KIAA2012: variants seen among roughly 807,000 people sequenced by gnomAD.
The protein encoded by KIAA2012 is KIAA2012, also known as uncharacterized protein KIAA2012.
A neutral mutation model predicts 150.6 loss-of-function variants in KIAA2012; 125 were observed. That is an observed-to-expected ratio of 0.83 (90% confidence interval 0.72 to 0.96). KIAA2012 has a LOEUF of 0.96. Ranked by LOEUF, KIAA2012 falls within the 40% of genes least tolerant of loss-of-function variation. The pLI is 0.00. For missense variants in KIAA2012, 1,219 were observed against 1,354.9 expected, an observed-to-expected ratio of 0.90 and a Z score of 1.57; for synonymous variants, 462 against 504.7, an observed-to-expected ratio of 0.92 and a Z score of 1.13.
At chr2:202,077,184 C>T (rs549474964) in intron 2 of KIAA2012, 5 of 381,730 alleles carry the variant, frequency 1.3e-5, no homozygotes, top group Admixed American at 6.3e-5. Context: ...TGTTGCCCCC[C>T]CAGCTGTTTG....
chr2:202,193,333 T>C lies in KIAA2012; in HGVS notation c.2844T>C (p.Ala948=). The change falls in exon 20 of 24, where the codon GCT becomes GCC. Residue 948 remains alanine, a synonymous_variant. Transcript: ENST00000498697. Reference sequence around the variant, plus strand: ...TCACTAAGAGGGAGCAGGAGAAGGCTTCCTGGGACAGGCTTCGAGCAGAAA... The same window carrying C: ...TCACTAAGAGGGAGCAGGAGAAGGCCTCCTGGGACAGGCTTCGAGCAGAAA... The part of the protein sequence containing the change: ...ALLTKREQEK[A]SWDRLRAERA... 6.5e-7 allele frequency: 1 copy of C among 1,549,972 alleles called. No homozygotes were observed. The highest frequency in any genetic ancestry group is 8.7e-7 in the Non-Finnish European group (1 of 1,146,812).
rs543372504 is a variant in KIAA2012 at position 202,112,908 on chromosome 2, G to A, written c.1652-428G>A. 3.3e-5 allele frequency among the ~76,000 whole-genome samples: 5 copies of A among 152,296 alleles called. No homozygotes were observed. In the East Asian group the frequency reaches 5.8e-4, roughly 18 times the overall value. ...AGTATTTCATCTAGAGGTTCTGGCCGTGCATGCTGAGTACTGCACAGGACA... is the reference window on the plus strand; with the variant it reads ...AGTATTTCATCTAGAGGTTCTGGCCATGCATGCTGAGTACTGCACAGGACA... On this transcript the variant is annotated intron_variant, in intron 10 of 23. Transcript: ENST00000498697.
chr2:202,097,027 C>G (rs901464990), intron 4 of KIAA2012, among the ~76,000 whole-genome samples: 2 of 152,184 alleles, frequency 1.3e-5, no homozygotes, highest in African/African-American at 2.4e-5. Flanking sequence ...TCCATGACAA[C>G]AGAGCAGGCT....
chr2:202,179,524 T>G (rs1477956421), intron 15 of KIAA2012: 2 of 698,324 alleles, frequency 2.9e-6, no homozygotes, highest in African/African-American at 3.5e-5. Context: ...TGGTGTACAG[T>G]GGCGTGGGCC....
intron 15 of KIAA2012, among the ~76,000 whole-genome samples, chr2:202,168,417 CAAA>C (rs59232782): frequency 1.3e-4 from 12 of 92,156 alleles, no homozygotes; most frequent in Non-Finnish European, 2.1e-4. Flanking sequence ...GACTCTGTCT[CAAA>C]AAAAAAAAAA....
rs189796424 is a variant in KIAA2012 at position 202,190,330 on chromosome 2, C to T, written c.2648C>T (p.Ser883Phe). 823 of 1,550,574 alleles carry T rather than the reference C, an allele frequency of 5.3e-4. 2 individuals are homozygous for T. Among genetic ancestry groups the T allele is most frequent in the Non-Finnish European group, 4.8e-4 (551 of 1,147,008 alleles). The change falls in exon 19 of 24, where the codon TCC (serine) becomes TTC (phenylalanine). Residue 883 changes from serine to phenylalanine, a missense_variant. Physicochemically the swap from Ser to Phe is radical, Grantham distance 155. Coordinates refer to ENST00000498697, the MANE Select transcript of KIAA2012 (RefSeq NM_001277372.4). ...EETEDTSNRG[S>F]FASDSFVEDP... The stretch of plus-strand genomic sequence containing the variant: ...ACAGAAGACACCTCAAATAGAGGTT[C>T]CTTTGCCTCAGACTCCTTTGTAGAG...
intron 2 of KIAA2012, among the ~76,000 whole-genome samples, chr2:202,079,882 C>T (rs915755132): frequency 6.6e-6 from 1 of 152,160 alleles, no homozygotes; most frequent in African/African-American, 2.4e-5. Context: ...AACAATGTGA[C>T]ATTGATTAAA....
chr2:202,127,775 A>G (rs1216578940), intron 12 of KIAA2012, among the ~76,000 whole-genome samples: 1 of 152,172 alleles, frequency 6.6e-6, no homozygotes, highest in East Asian at 1.9e-4. Flanking sequence ...CCTGGAGCAC[A>G]GTTCCTCATC....
intron 13 of KIAA2012, among the ~76,000 whole-genome samples, chr2:202,149,525 C>T (rs953242286): frequency 2.6e-5 from 4 of 152,324 alleles, no homozygotes; most frequent in Middle Eastern, 3.4e-3. Context: ...GCCTGTTCTC[C>T]GGCAGAATGA....
intron 2 of KIAA2012, 85 bp from the exon 3 acceptor site, chr2:202,090,685 T>C: frequency 7.2e-7 from 1 of 1,381,168 alleles, no homozygotes; most frequent in Non-Finnish European, 9.5e-7. Context: ...CCTGGGTTAC[T>C]GATGAAGATT....
chr2:202,105,857 A>C lies in KIAA2012; in HGVS notation c.1421A>C (p.Glu474Ala). ...LKHASLETPW[E>A]LTVHLPVDAS... is the part of the protein sequence containing the mutation. ...CATGCGTCCTTAGAAACACCATGGG[A>C]GTTAACAGTGCATCTCCCAGTGGAC... The change falls in exon 9 of 24, where the codon GAG becomes GCG. Residue 474 changes from glutamate (E) to alanine (A), a missense_variant. Coordinates refer to ENST00000498697, the MANE Select transcript of KIAA2012 (RefSeq NM_001277372.4). 3 of 1,550,824 alleles carry C rather than the reference A, an allele frequency of 1.9e-6. No homozygotes were observed. Among genetic ancestry groups the C allele is most frequent in the Non-Finnish European group, 2.6e-6 (3 of 1,147,032 alleles).
chr2:202,145,541 A>G (rs1407451069), intron 13 of KIAA2012, among the ~76,000 whole-genome samples: 3 of 152,264 alleles, frequency 2.0e-5, no homozygotes, highest in Non-Finnish European at 4.4e-5. Flanking sequence ...GTGACACATA[A>G]TATCTGCGTA....
intron 4 of KIAA2012, among the ~76,000 whole-genome samples, chr2:202,096,048 C>A (rs149744218): frequency 6.6e-6 from 1 of 152,176 alleles, no homozygotes; most frequent in South Asian, 2.1e-4. Context: ...CATGCCACTG[C>A]ACTCCAGCCT....
rs1690123613 is a variant in KIAA2012, at chr2:202,104,209, C to T, written c.1324+1095C>T. 6.6e-6 allele frequency among the ~76,000 whole-genome samples: 1 copy of T among 152,142 alleles called. No individual in the cohort carries two copies. Among genetic ancestry groups the T allele is most frequent in the South Asian group, 2.1e-4 (1 of 4,834 alleles). On this transcript the variant is annotated intron_variant, in intron 8 of 23. Transcript: ENST00000498697. This position sits in a 1 kb window ranked among gnomAD's most constrained non-coding sequence, Gnocchi z 4.3. ...TATAGATTTGTCAAAACTCATTGAA[C>T]TGTGCACTTAAGATCTGTGCGATTC...
intron 21 of KIAA2012, 43 bp downstream of exon 21, chr2:202,194,405 G>A (rs1692375796): frequency 1.3e-6 from 2 of 1,544,004 alleles, no homozygotes; most frequent in Non-Finnish European, 8.7e-7. Context: ...TTCTACTTGG[G>A]GCAGAAACAC....
intron 15 of KIAA2012, chr2:202,179,860 A>AC (rs1470090793): frequency 1.6e-6 from 1 of 636,000 alleles, no homozygotes; most frequent in Non-Finnish European, 3.0e-6. Context: ...TGCCATTCAT[A>AC]CAGCCATGTT....
At chr2:202,134,635 A>G (rs898757256) in intron 12 of KIAA2012, among the ~76,000 whole-genome samples, 29 of 151,984 alleles carry the variant, frequency 1.9e-4, no homozygotes, top group African/African-American at 6.5e-4. Flanking sequence ...GCTCACTGCA[A>G]CCTCCGCCTC....
intron 12 of KIAA2012, among the ~76,000 whole-genome samples, chr2:202,132,657 G>A (rs2105940753): frequency 7.4e-6 from 1 of 134,768 alleles, no homozygotes; most frequent in South Asian, 2.4e-4. Context: ...CTGGGCGGCA[G>A]AGCAAGACTC....
At chr2:202,165,049 A>T (rs894288149) in intron 14 of KIAA2012, among the ~76,000 whole-genome samples, 1 of 151,900 alleles carries the variant, frequency 6.6e-6, no homozygotes, top group East Asian at 1.9e-4. Flanking sequence ...CAGCCTCCCA[A>T]ATAGCTGAGA....
Sources: gnomAD v4.1 joint callset for allele counts (sites outside exome capture counted in the v4.1 genomes callset) on GRCh38, gnomAD v4.1.1 for gene constraint, Gnocchi (gnomAD v3.1) non-coding constraint, MANE v1.5 for transcripts, NCBI Gene and HGNC (gene_info 2026-07-23, HGNC 2026-07-21) for gene names.